The following MYLK variants were observed in gnomAD, a reference collection of about 807,000 sequenced individuals.
The protein encoded by MYLK is myosin light chain kinase.
A neutral mutation model predicts 203.4 loss-of-function variants in MYLK; 106 were observed. The observed-to-expected ratio is 0.52, with a 90% CI of 0.45 to 0.61. MYLK has a LOEUF of 0.61. Ranked by LOEUF, MYLK falls within the 20% of genes least tolerant of loss-of-function variation. The pLI, the probability that MYLK is intolerant of heterozygous loss-of-function variation, is 0.00. For missense variants in MYLK, 2,072 were observed against 2,442.3 expected, an observed-to-expected ratio of 0.85 and a Z score of 3.20; for synonymous variants, 867 against 959.5, an observed-to-expected ratio of 0.90 and a Z score of 1.78.
chr3:123,876,305 T>C (rs1203682117), intron 2 of MYLK, among the ~76,000 whole-genome samples: 1 of 152,198 alleles, frequency 6.6e-6, no homozygotes, highest in Non-Finnish European at 1.5e-5. Context: ...CTTGAAATCA[T>C]ATGTAACTCT....
chr3:123,671,022 G>A (rs1226727550), intron 20 of MYLK, among the ~76,000 whole-genome samples: 1 of 152,254 alleles, frequency 6.6e-6, no homozygotes, highest in Non-Finnish European at 1.5e-5. Context: ...GATCCAATTA[G>A]GAGGCTATTG....
At chr3:123,747,123 G>A (rs1037519557) in intron 5 of MYLK, among the ~76,000 whole-genome samples, 13 of 152,120 alleles carry the variant, frequency 8.5e-5, no homozygotes, top group Admixed American at 6.6e-4. Context: ...CCTGAAAAAC[G>A]GCAGTGGCAA....
intron 3 of MYLK, among the ~76,000 whole-genome samples, chr3:123,829,069 A>G (rs1273984500): frequency 6.6e-6 from 1 of 152,216 alleles, no homozygotes; most frequent in Non-Finnish European, 1.5e-5. Flanking sequence ...AAACAGCCAT[A>G]TGATCCAGCA....
At chr3:123,707,474 T>A (rs530986673) in intron 16 of MYLK, among the ~76,000 whole-genome samples, 1 of 152,358 alleles carries the variant, frequency 6.6e-6, no homozygotes, top group South Asian at 2.1e-4. Flanking sequence ...CCATTCCTCC[T>A]TCCTTCATAC....
chr3:123,868,622 G>A (rs1452374127), intron 2 of MYLK, among the ~76,000 whole-genome samples: 1 of 152,132 alleles, frequency 6.6e-6, no homozygotes, highest in Non-Finnish European at 1.5e-5. Flanking sequence ...TTTATACCCT[G>A]TGCTTAGTTT....
At chr3:123,691,237 C>T (rs1433289046) in intron 19 of MYLK, 1 of 152,172 alleles carries the variant, frequency 6.6e-6, no homozygotes, top group Non-Finnish European at 1.5e-5. Context: ...TACAGTGCAG[C>T]ACCTGTATAG....
intron 4 of MYLK, among the ~76,000 whole-genome samples, chr3:123,779,459 T>A (rs2064207547): frequency 6.6e-6 from 1 of 152,204 alleles, no homozygotes; most frequent in Non-Finnish European, 1.5e-5. Flanking sequence ...CAGCATTTGG[T>A]GGCCGGGTTG....
chr3:123,612,524 G>C lies in MYLK; in HGVS notation c.*1581C>G, dbSNP rs551140430. 1 of 152,522 alleles carries C rather than the reference G, an allele frequency of 6.6e-6. No homozygotes were observed. The allele number at this position is 152,522 out of a possible 1,614,324, so 9.4% of individuals were successfully genotyped here. ...CACAAAAGTGATAGAAAAAAGCTTT[G>C]AATGCGCTAAATCAAATAAAAACCC... On this transcript the variant is annotated 3_prime_UTR_variant, in exon 34 of 34. Coordinates refer to ENST00000360304, the MANE Select transcript of MYLK (RefSeq NM_053025.4).
intron 13 of MYLK, among the ~76,000 whole-genome samples, chr3:123,720,321 C>T (rs2062042591): frequency 6.6e-6 from 1 of 152,202 alleles, no homozygotes; most frequent in Non-Finnish European, 1.5e-5. Flanking sequence ...CCAGGGGACT[C>T]TTAGCTCAGC....
chr3:123,839,118 A>T (rs376456013), intron 2 of MYLK, among the ~76,000 whole-genome samples: 1 of 152,000 alleles, frequency 6.6e-6, no homozygotes, highest in Non-Finnish European at 1.5e-5. Flanking sequence ...AAACAAACAA[A>T]TCTCAATAAA....
intron 20 of MYLK, among the ~76,000 whole-genome samples, chr3:123,676,333 G>C (rs1007442718): frequency 6.6e-6 from 1 of 152,208 alleles, no homozygotes; most frequent in Non-Finnish European, 1.5e-5. Flanking sequence ...CTCTCTCCCA[G>C]GGCCCCACAT....
intron 31 of MYLK, chr3:123,625,187 C>T (rs976989778): frequency 9.2e-5 from 14 of 152,308 alleles, no homozygotes; most frequent in African/African-American, 3.1e-4. Flanking sequence ...ACTCCTGCAC[C>T]TGGGAGCATT....
intron 4 of MYLK, among the ~76,000 whole-genome samples, chr3:123,766,449 C>A (rs559108430): frequency 6.6e-6 from 1 of 152,360 alleles, no homozygotes; most frequent in South Asian, 2.1e-4. Flanking sequence ...GAGGGCTCCA[C>A]AGAGGTGTTG....
At chr3:123,821,312 T>A (rs2065930745) in intron 3 of MYLK, among the ~76,000 whole-genome samples, 1 of 152,224 alleles carries the variant, frequency 6.6e-6, no homozygotes, top group South Asian at 2.1e-4. Context: ...GATCTCAACA[T>A]CTGGTCATAA....
intron 2 of MYLK, among the ~76,000 whole-genome samples, chr3:123,875,836 T>C (rs1255886175): frequency 6.6e-6 from 1 of 152,142 alleles, no homozygotes; most frequent in African/African-American, 2.4e-5. Context: ...CTAGGAAAAG[T>C]TGGTGTGACT....
intron 2 of MYLK, among the ~76,000 whole-genome samples, chr3:123,845,272 A>T (rs2066686668): frequency 6.6e-6 from 1 of 152,128 alleles, no homozygotes; most frequent in African/African-American, 2.4e-5. Context: ...TGACCCATGA[A>T]ATTGGAATAA....
Position 123,700,201 on chromosome 3 carries a change from C to A in MYLK, c.3267G>T (p.Lys1089Asn), listed in dbSNP as rs1176144510. 1.2e-6 allele frequency: 2 copies of A among 1,614,016 alleles called. No homozygotes were observed. The highest frequency in any genetic ancestry group is 1.3e-5 in the African/African-American group (1 of 74,956). ...GGGCTGTCCCCTGGCTCTCTGATCTCTTTTCATTATCTGTGGTCCCTGCAT... is the reference window on the plus strand; with the variant it reads ...GGGCTGTCCCCTGGCTCTCTGATCTATTTTCATTATCTGTGGTCCCTGCAT... ...RGHAGTTDNE[K>N]RSESQGTAPA... Residue 1089 changes from lysine (K) to asparagine (N), a missense_variant, in exon 18 of 34, where the codon AAG becomes AAT. Transcript: ENST00000360304.
intron 18 of MYLK, among the ~76,000 whole-genome samples, chr3:123,695,282 G>A (rs1452659385): frequency 6.6e-6 from 1 of 152,174 alleles, no homozygotes; most frequent in Non-Finnish European, 1.5e-5. Flanking sequence ...CCTCTTCTGT[G>A]CTCCCAACTC....
chr3:123,657,086 A>G lies in MYLK; in HGVS notation c.4288+40T>C, dbSNP rs142232870. 115 of 1,609,952 alleles carry G rather than the reference A, an allele frequency of 7.1e-5. 2 individuals carry two copies. In the Middle Eastern group the frequency reaches 1.2e-3, roughly 16 times the overall value. ...TTTACATACACAAGGTCAGTCACGCACATTTGTTTCAAGCCACTGATGAAG... is the reference window on the plus strand; with the variant it reads ...TTTACATACACAAGGTCAGTCACGCGCATTTGTTTCAAGCCACTGATGAAG... On this transcript the variant is annotated intron_variant, in intron 24 of 33. Coordinates refer to ENST00000360304, the MANE Select transcript of MYLK (RefSeq NM_053025.4).
Sources: gnomAD v4.1 joint callset for allele counts (sites outside exome capture counted in the v4.1 genomes callset) on GRCh38, gnomAD v4.1.1 for gene constraint, MANE v1.5 for transcripts, NCBI Gene and HGNC (gene_info 2026-07-23, HGNC 2026-07-21) for gene names.